The following LDB2 variants were observed in gnomAD, a reference collection of about 807,000 sequenced individuals.
LDB2 encodes LIM domain binding 2.
LDB2 carries 12 observed loss-of-function variants against 44.3 expected under a neutral mutation model. The ratio of observed to expected loss-of-function variants is 0.27; its 90% CI spans 0.17 to 0.44. The LOEUF (loss-of-function observed/expected upper bound fraction) is 0.44, where lower values mean the gene tolerates loss of function less well. LDB2 is among the 20% of genes least tolerant of loss of function. The pLI, the probability that LDB2 is intolerant of heterozygous loss-of-function variation, is 1.00. For missense variants in LDB2, 344 were observed against 473.5 expected, an observed-to-expected ratio of 0.73 and a Z score of 2.54; for synonymous variants, 164 against 174.8, an observed-to-expected ratio of 0.94 and a Z score of 0.49.
chr4:16,638,633 TTTATAC>T (rs1402296110), intron 2 of LDB2, among the ~76,000 whole-genome samples: 2 of 152,232 alleles, frequency 1.3e-5, no homozygotes, highest in Admixed American at 6.5e-5. Flanking sequence ...TACAACCCTT[TTTATAC>T]CGTAGATTTA....
At chr4:16,757,749 G>C (rs1295914352) in intron 2 of LDB2, among the ~76,000 whole-genome samples, 1 of 152,116 alleles carries the variant, frequency 6.6e-6, no homozygotes, top group Non-Finnish European at 1.5e-5. Context: ...ATCTCCCAGG[G>C]ACTTCTGAAA....
intron 1 of LDB2, among the ~76,000 whole-genome samples, chr4:16,876,626 T>C (rs773129347): frequency 1.8e-4 from 28 of 152,186 alleles, no homozygotes; most frequent in African/African-American, 6.5e-4. Flanking sequence ...TTTAGTACAA[T>C]GTAAAGTTTA....
At chr4:16,515,276 C>G (rs1350541618) in intron 5 of LDB2, among the ~76,000 whole-genome samples, 4 of 152,106 alleles carry the variant, frequency 2.6e-5, no homozygotes, top group African/African-American at 9.7e-5. Context: ...TGACACTGGG[C>G]ACTCCAAAAG....
At chr4:16,880,386 T>A (rs1285787504) in intron 1 of LDB2, among the ~76,000 whole-genome samples, 9 of 152,168 alleles carry the variant, frequency 5.9e-5, no homozygotes, top group African/African-American at 2.2e-4. Flanking sequence ...ATGGAGCTAA[T>A]GTCTGCCAGG....
chr4:16,852,482 T>A (rs939583615), intron 1 of LDB2, among the ~76,000 whole-genome samples: 1 of 152,154 alleles, frequency 6.6e-6, no homozygotes, highest in Non-Finnish European at 1.5e-5. Context: ...ATAAAGTACT[T>A]GGAGGATCAT....
intron 1 of LDB2, among the ~76,000 whole-genome samples, chr4:16,792,717 T>C (rs759649470): frequency 7.9e-5 from 12 of 152,196 alleles, no homozygotes; most frequent in Non-Finnish European, 1.8e-4. Flanking sequence ...GTCCCTGGCC[T>C]CTCCTCGGCT....
rs779584992 is a variant in LDB2 at position 16,502,397 on chromosome 4, A to G, written c.*246T>C. ...GCTAGAGTTTTCTCTCATTTTAATT[A>G]CAATCAGTGCCAGTATCTGTATTAC... On this transcript the variant is annotated 3_prime_UTR_variant, in exon 8 of 8. Transcript: ENST00000304523. The G allele has an allele frequency of 5.9e-5, 29 of 495,496 alleles. No individual in the cohort carries two copies. Among genetic ancestry groups the G allele is most frequent in the Non-Finnish European group, 1.0e-4 (28 of 280,098 alleles). 30.7% of individuals were successfully genotyped at this position (495,496 alleles called of 1,614,324 possible).
intron 2 of LDB2, among the ~76,000 whole-genome samples, chr4:16,695,478 A>C (rs371682542): frequency 5.1e-4 from 77 of 152,156 alleles, no homozygotes; most frequent in African/African-American, 1.7e-3. Flanking sequence ...AAAAAGAAGA[A>C]GAAAAAGAAA....
intron 2 of LDB2, among the ~76,000 whole-genome samples, chr4:16,701,245 T>A (rs1753364382): frequency 6.6e-6 from 1 of 152,208 alleles, no homozygotes; most frequent in Non-Finnish European, 1.5e-5. Flanking sequence ...AACAAAGATA[T>A]CAGTGCTCAA....
chr4:16,563,899 A>C (rs1560487068), intron 5 of LDB2, among the ~76,000 whole-genome samples: 1 of 152,068 alleles, frequency 6.6e-6, no homozygotes, highest in Non-Finnish European at 1.5e-5. Context: ...TATTCCACAG[A>C]TCTCCAGATC....
intron 1 of LDB2, among the ~76,000 whole-genome samples, chr4:16,784,536 G>C (rs1773971538): frequency 6.6e-6 from 1 of 152,168 alleles, no homozygotes; most frequent in Non-Finnish European, 1.5e-5. Context: ...TCCATAAAGA[G>C]CAATGGTTCA....
In LDB2 at chr4:16,782,984, G is replaced by A. The variant is rs150879626; in HGVS notation, c.133-23724C>T. 2.5e-3 allele frequency among the ~76,000 whole-genome samples: 383 copies of A among 152,248 alleles called. 2 individuals are homozygous for A. Among genetic ancestry groups the A allele is most frequent in the Non-Finnish European group, 2.7e-3 (187 of 68,014 alleles). On this transcript the variant is annotated intron_variant, in intron 1 of 7. Coordinates refer to ENST00000304523, the MANE Select transcript of LDB2 (RefSeq NM_001290.5). Reference sequence around the variant, plus strand: ...GTAACTGGATTTACTTTAGTTAAATGGTGCTGGGAAAGACCTCTCTCTCTC... The same window carrying A: ...GTAACTGGATTTACTTTAGTTAAATAGTGCTGGGAAAGACCTCTCTCTCTC...
At chr4:16,730,123 G>A (rs897998315) in intron 2 of LDB2, among the ~76,000 whole-genome samples, 76 of 152,220 alleles carry the variant, frequency 5.0e-4, no homozygotes, top group African/African-American at 1.6e-3. Flanking sequence ...ATTCTGGCCT[G>A]CAACGTCAGA....
chr4:16,657,293 A>G lies in LDB2; in HGVS notation c.236-61418T>C, dbSNP rs1740152928. ...TCTGCTGGATAGTGCCATGATGCCA[A>G]TCAATACTCAAGCTTCGAATATGTC... On this transcript the variant is annotated intron_variant, in intron 2 of 7. Coordinates refer to ENST00000304523, the MANE Select transcript of LDB2 (RefSeq NM_001290.5). Among the ~76,000 whole-genome samples the G allele has an allele frequency of 2.0e-5, 3 of 152,218 alleles. No individual in the cohort carries two copies. The South Asian group carries it at 6.2e-4, about 32-fold the overall frequency.
At chr4:16,826,148 TATAG>T (rs1783022956) in intron 1 of LDB2, among the ~76,000 whole-genome samples, 1 of 151,868 alleles carries the variant, frequency 6.6e-6, no homozygotes, top group Non-Finnish European at 1.5e-5. Flanking sequence ...AGATGATAGA[TATAG>T]ATAGATACAT....
At chr4:16,727,993 G>T (rs761245544) in intron 2 of LDB2, among the ~76,000 whole-genome samples, 6 of 152,116 alleles carry the variant, frequency 3.9e-5, no homozygotes, top group African/African-American at 1.4e-4. Context: ...TGGAGCCAAG[G>T]TTTTCCGACT....
chr4:16,847,753 G>T (rs1176927476), intron 1 of LDB2, among the ~76,000 whole-genome samples: 1 of 152,034 alleles, frequency 6.6e-6, no homozygotes. Flanking sequence ...AGTAGCTGGG[G>T]CTACAGGCGC....
intron 1 of LDB2, among the ~76,000 whole-genome samples, chr4:16,822,192 G>T (rs1011771140): frequency 6.6e-6 from 1 of 151,908 alleles, no homozygotes; most frequent in Non-Finnish European, 1.5e-5. Context: ...TCTAGGGTCT[G>T]CCACCATGAA....
At chr4:16,517,923 ATG>A (rs2152264494) in intron 5 of LDB2, among the ~76,000 whole-genome samples, 1 of 141,540 alleles carries the variant, frequency 7.1e-6, no homozygotes, top group African/African-American at 2.7e-5. Flanking sequence ...GGATGGATGG[ATG>A]GATAATAGAT....
Sources: allele counts gnomAD v4.1 joint callset (sites outside exome capture counted in the v4.1 genomes callset), GRCh38; gene constraint gnomAD v4.1.1; transcripts MANE v1.5; gene names NCBI Gene and HGNC (gene_info 2026-07-23, HGNC 2026-07-21).